The following STK24 variants were observed in gnomAD, a reference collection of about 807,000 sequenced individuals.
STK24 encodes serine/threonine kinase 24, also known as serine/threonine-protein kinase 24.
In STK24, 21 loss-of-function variants were observed where a neutral mutation model predicts 55.6. The observed-to-expected ratio is 0.38, with a 90% CI of 0.27 to 0.54. STK24 has a LOEUF of 0.54. STK24 is among the 20% of genes least tolerant of loss of function. The pLI, the probability that STK24 is intolerant of heterozygous loss-of-function variation, is 0.79. For missense variants in STK24, 383 were observed against 538.4 expected (o/e 0.71, Z 2.86); for synonymous variants, 200 against 215.2 (o/e 0.93, Z 0.62).
chr13:98,509,064 G>A (rs1594623984), intron 2 of STK24: 2 of 152,114 alleles, frequency 1.3e-5, no homozygotes, highest in Non-Finnish European at 2.9e-5. Context: ...TACTTCATAA[G>A]CCTAATTATC....
chr13:98,546,564 C>T (rs78570511), intron 1 of STK24, among the ~76,000 whole-genome samples: 1,820 of 152,322 alleles, frequency 0.012, 31 homozygotes, highest in African/African-American at 0.041. Context: ...AGATGGGCTG[C>T]GTGTCCTTCC....
At chr13:98,479,759 T>C (rs1396621743) in intron 3 of STK24, among the ~76,000 whole-genome samples, 2 of 152,072 alleles carry the variant, frequency 1.3e-5, no homozygotes, top group African/African-American at 4.8e-5. Context: ...GTGCTGTGGA[T>C]GTGGGAAAGA....
At chr13:98,466,248 A>T in intron 6 of STK24, 128 bp downstream of exon 6, 1 of 911,176 alleles carries the variant, frequency 1.1e-6, no homozygotes, top group Non-Finnish European at 1.5e-6. Context: ...ATACTTACTT[A>T]GAAAAAGAAA....
rs981177595 is a variant in STK24, at chr13:98,450,336, T to C, written c.*2837A>G. The C allele has an allele frequency of 6.6e-5, 10 of 152,158 alleles. No homozygotes were observed. The highest frequency in any genetic ancestry group is 2.2e-4 in the African/African-American group (9 of 41,436). The allele number at this position is 152,158 out of a possible 1,614,324, so 9.4% of individuals were successfully genotyped here. A position where few individuals can be genotyped will look rare whatever the true frequency, so the allele number is the denominator to read the frequency against. ...AAGCTGTTTTTAAAGGAGGGAAATA[T>C]AAAAAATGTTTATAAACTGACAGTG... On this transcript the variant is annotated 3_prime_UTR_variant, in exon 11 of 11. Coordinates refer to ENST00000539966, the MANE Select transcript of STK24 (RefSeq NM_001032296.4).
chr13:98,459,594 C>T (rs1458871380), intron 9 of STK24, among the ~76,000 whole-genome samples: 1 of 152,214 alleles, frequency 6.6e-6, no homozygotes, highest in Non-Finnish European at 1.5e-5. Flanking sequence ...GAATGAGCTC[C>T]TATGACACTT....
intron 5 of STK24, among the ~76,000 whole-genome samples, chr13:98,467,917 T>C (rs975685616): frequency 6.6e-6 from 1 of 152,170 alleles, no homozygotes; most frequent in Non-Finnish European, 1.5e-5. Flanking sequence ...GAAAGACGAA[T>C]GGGGACTGGG....
chr13:98,473,620 A>T (rs966535187), intron 5 of STK24, among the ~76,000 whole-genome samples: 1 of 152,162 alleles, frequency 6.6e-6, no homozygotes, highest in African/African-American at 2.4e-5. Flanking sequence ...AGGCAAGGGC[A>T]CACACCCAAG....
chr13:98,469,325 G>A (rs2139273607), intron 5 of STK24, among the ~76,000 whole-genome samples: 1 of 152,340 alleles, frequency 6.6e-6, no homozygotes, highest in South Asian at 2.1e-4. Flanking sequence ...GACGCAGGCA[G>A]ATCACTTGAA....
At chr13:98,479,842 G>C (rs1894518986) in intron 3 of STK24, among the ~76,000 whole-genome samples, 3 of 152,186 alleles carry the variant, frequency 2.0e-5, no homozygotes, top group Admixed American at 2.0e-4. Flanking sequence ...TCTTTGAGGG[G>C]CTGAGAGCAG....
At chr13:98,571,528 A>C (rs1257423970) in intron 1 of STK24, among the ~76,000 whole-genome samples, 1 of 152,134 alleles carries the variant, frequency 6.6e-6, no homozygotes, top group Admixed American at 6.5e-5. Flanking sequence ...GGGTTTTTCT[A>C]ATTTAAAAAA....
chr13:98,532,103 C>CGGCCAAGGTTGAG (rs1259426032), intron 1 of STK24, among the ~76,000 whole-genome samples: 3 of 152,102 alleles, frequency 2.0e-5, no homozygotes, highest in Non-Finnish European at 4.4e-5. Flanking sequence ...CTCTCACACG[C>CGGCCAAGGTTGAG]GGCCAAGGTT....
chr13:98,446,604 A>G lies in STK24; in HGVS notation c.*6569T>C. ...AAGTCCCTGTCTGATGCGGGGCAGC[A>G]GCCAGGCCCAGCAGCAGAAGCTGAC... On this transcript the variant is annotated 3_prime_UTR_variant, in exon 11 of 11. Coordinates refer to ENST00000539966, the MANE Select transcript of STK24 (RefSeq NM_001032296.4). 1 of 1,560,374 alleles carries G rather than the reference A, an allele frequency of 6.4e-7. No individual in the cohort carries two copies.
chr13:98,555,482 G>A (rs1252051279), intron 1 of STK24, among the ~76,000 whole-genome samples: 2 of 151,708 alleles, frequency 1.3e-5, no homozygotes, highest in Non-Finnish European at 2.9e-5. Flanking sequence ...GGGAGGCTGA[G>A]GCAGCAGAAC....
chr13:98,446,529 C>T lies in STK24; in HGVS notation c.*6644G>A, dbSNP rs1892846556. On this transcript the variant is annotated 3_prime_UTR_variant, in exon 11 of 11. Transcript: ENST00000539966. ...ATCACGTACAGGCAAACACTGGCTG[C>T]CATGGTCCCTTCCAGGCCCACGCCC... 8 of 853,238 alleles carry T rather than the reference C, an allele frequency of 9.4e-6. No homozygotes were observed. Among genetic ancestry groups the T allele is most frequent in the Non-Finnish European group, 1.5e-5 (8 of 537,008 alleles). 52.9% of individuals were successfully genotyped at this position (853,238 alleles called of 1,614,324 possible).
rs1174983715 is a variant in STK24, at chr13:98,446,438, C to T, written c.*6735G>A. 2 of 604,072 alleles carry T rather than the reference C, an allele frequency of 3.3e-6. No individual in the cohort carries two copies. The highest frequency in any genetic ancestry group is 5.9e-6 in the Non-Finnish European group (2 of 341,438). The allele number at this position is 604,072 out of a possible 1,614,324, so 37.4% of individuals were successfully genotyped here. A position where few individuals can be genotyped will look rare whatever the true frequency, so the allele number is the denominator to read the frequency against. Reference sequence around the variant, plus strand: ...CCTAGGAAGGGCCACCTGTCTTCTGCCTGGACAAGGGACGGGGGTTGGCTT... The same window carrying T: ...CCTAGGAAGGGCCACCTGTCTTCTGTCTGGACAAGGGACGGGGGTTGGCTT... On this transcript the variant is annotated 3_prime_UTR_variant, in exon 11 of 11. Coordinates refer to ENST00000539966, the MANE Select transcript of STK24 (RefSeq NM_001032296.4).
chr13:98,482,373 T>G, intron 2 of STK24, 52 bp from the exon 3 acceptor site: 1 of 1,080,664 alleles, frequency 9.3e-7, no homozygotes, highest in South Asian at 1.4e-5. Flanking sequence ...TCCAGGAAAA[T>G]TTTTTTTAAT....
chr13:98,555,876 G>C (rs1897277315), intron 1 of STK24, among the ~76,000 whole-genome samples: 1 of 151,472 alleles, frequency 6.6e-6, no homozygotes, highest in African/African-American at 2.4e-5. Flanking sequence ...TAAAGATGGG[G>C]TTTCACCATG....
intron 1 of STK24, among the ~76,000 whole-genome samples, chr13:98,558,167 G>A (rs534346364): frequency 1.3e-5 from 2 of 152,280 alleles, no homozygotes; most frequent in Non-Finnish European, 2.9e-5. Context: ...TGCACCAGAC[G>A]TATGACAGAT....
At chr13:98,486,028 G>C (rs571040242) in intron 2 of STK24, among the ~76,000 whole-genome samples, 1 of 152,142 alleles carries the variant, frequency 6.6e-6, no homozygotes, top group African/African-American at 2.4e-5. Flanking sequence ...GACTCGGGGA[G>C]GGGAACATCA....
Sources: allele counts gnomAD v4.1 joint callset (sites outside exome capture counted in the v4.1 genomes callset), GRCh38; gene constraint gnomAD v4.1.1; transcripts MANE v1.5; gene names NCBI Gene and HGNC (gene_info 2026-07-23, HGNC 2026-07-21).